The following ECHDC1 variants were observed in gnomAD, a reference collection of about 807,000 sequenced individuals.
ECHDC1 encodes the protein ethylmalonyl-CoA decarboxylase.
In ECHDC1, 29 loss-of-function variants were observed where a neutral mutation model predicts 29.7. The observed-to-expected ratio is 0.98, with a 90% CI of 0.73 to 1.33. The LOEUF is 1.33. ECHDC1 is among the 40% of genes most tolerant of loss of function. The pLI is 0.00. For synonymous variants in ECHDC1, 126 were observed against 123.1 expected (o/e 1.02, Z -0.15); for missense variants, 328 against 350.0 (o/e 0.94, Z 0.50).
chr6:127,337,073 C>T (rs111687831), intron 1 of ECHDC1, among the ~76,000 whole-genome samples: 2,923 of 151,396 alleles, frequency 0.019, 37 homozygotes, highest in Middle Eastern at 0.051. Context: ...TTTTATTTAA[C>T]CCTGTATATT....
intron 3 of ECHDC1, among the ~76,000 whole-genome samples, chr6:127,319,913 A>G (rs1782703794): frequency 6.6e-6 from 1 of 152,236 alleles, no homozygotes; most frequent in Non-Finnish European, 1.5e-5. Context: ...AAAAATGCCC[A>G]GCCTGTAGAA....
intron 5 of ECHDC1, among the ~76,000 whole-genome samples, chr6:127,292,739 G>C (rs569252751): frequency 1.3e-5 from 2 of 152,102 alleles, no homozygotes; most frequent in Non-Finnish European, 2.9e-5. Context: ...TTTCCTGATA[G>C]ACCCTACAGG....
At chr6:127,294,171 A>T (rs1780410145) in intron 5 of ECHDC1, among the ~76,000 whole-genome samples, 1 of 152,218 alleles carries the variant, frequency 6.6e-6, no homozygotes, top group Non-Finnish European at 1.5e-5. Flanking sequence ...AATTAACATG[A>T]TGTTATACAT....
chr6:127,336,862 T>C lies in ECHDC1; in HGVS notation c.-2-5832A>G, dbSNP rs138268129. 1.7e-4 allele frequency among the ~76,000 whole-genome samples: 26 copies of C among 152,314 alleles called. No homozygotes were observed. In the East Asian group the frequency reaches 4.0e-3, roughly 24 times the overall value. ...TTATCACTCAAATGTAAATATCAAG[T>C]TGCCTCAAAATCTCTTAGCTAGTGG... is the stretch of plus-strand genomic sequence containing the variant. On this transcript the variant is annotated intron_variant, in intron 1 of 5. Transcript: ENST00000454859.
intron 2 of ECHDC1, 65 bp downstream of exon 2, chr6:127,330,743 TA>T: frequency 7.2e-7 from 1 of 1,390,498 alleles, no homozygotes; most frequent in Non-Finnish European, 1.0e-6. Context: ...ACAGCAAGGA[TA>T]AAAAAACTTG....
chr6:127,299,447 T>TAA (rs78172720), intron 5 of ECHDC1, among the ~76,000 whole-genome samples: 4 of 72,732 alleles, frequency 5.5e-5, no homozygotes, highest in African/African-American at 1.1e-4. Flanking sequence ...TAGCTTTTAA[T>TAA]AAAAAAAAAA....
chr6:127,339,644 A>C (rs1459479030), intron 1 of ECHDC1, among the ~76,000 whole-genome samples: 1 of 151,722 alleles, frequency 6.6e-6, no homozygotes, highest in African/African-American at 2.4e-5. Context: ...GTAGTGGCAC[A>C]CACCTCTAAT....
chr6:127,307,229 A>T (rs1483132045), intron 5 of ECHDC1, among the ~76,000 whole-genome samples: 2 of 152,232 alleles, frequency 1.3e-5, no homozygotes, highest in Admixed American at 6.5e-5. Flanking sequence ...AAAAATTTCA[A>T]ATAACCTAAT....
intron 4 of ECHDC1, chr6:127,315,170 A>G: frequency 1.7e-6 from 1 of 574,124 alleles, no homozygotes; most frequent in Non-Finnish European, 3.3e-6. Flanking sequence ...AGCTATAGCC[A>G]TATTGTAACT....
chr6:127,307,648 G>GAAAAAAAAAAA lies in ECHDC1; in HGVS notation c.497+7157_497+7167dup, dbSNP rs71024770. On this transcript the variant is annotated intron_variant, in intron 5 of 5. Coordinates refer to ENST00000454859, the MANE Select transcript of ECHDC1 (RefSeq NM_001002030.2). The stretch of plus-strand genomic sequence containing the variant: ...GGTGACAGAGTGATACTCTGTCTCA[G>GAAAAAAAAAAA]AAAAAAAAAAAAAAGACAGAAAGAA... Among the ~76,000 whole-genome samples the GAAAAAAAAAAA allele has an allele frequency of 1.3e-3, 65 of 48,536 alleles. 2 individuals carry two copies. The highest frequency in any genetic ancestry group is 0.013 in the East Asian group (27 of 2,100). 31.8% of individuals were successfully genotyped at this position (48,536 alleles called of 152,430 possible).
At chr6:127,292,696 A>G (rs1262723732) in intron 5 of ECHDC1, among the ~76,000 whole-genome samples, 1 of 152,074 alleles carries the variant, frequency 6.6e-6, no homozygotes, top group East Asian at 1.9e-4. Flanking sequence ...GAAGGACATT[A>G]TTATATTAAC....
Position 127,330,844 on chromosome 6 carries a change from G to GT in ECHDC1, c.184dup (p.Thr62AsnfsTer7). 1 of 1,614,034 alleles carries GT rather than the reference G, an allele frequency of 6.2e-7. No homozygotes were observed. Among genetic ancestry groups the GT allele is most frequent in the Middle Eastern group, 1.6e-4 (1 of 6,062 alleles). Reference sequence around the variant, plus strand: ...ATTCATTCTACTTGGATTGTTCAGAGTAAGAATGCCAATGCCATTGTCTTC... The same window carrying GT: ...ATTCATTCTACTTGGATTGTTCAGAGTTAAGAATGCCAATGCCATTGTCTTC... On this transcript the variant is annotated frameshift_variant, in exon 2 of 6. Transcript: ENST00000454859. LOFTEE classifies it high-confidence loss of function.
At chr6:127,290,365 T>C (rs1780050433) in intron 5 of ECHDC1, 88 bp from the exon 6 acceptor site, 1 of 1,318,184 alleles carries the variant, frequency 7.6e-7, no homozygotes, top group South Asian at 1.6e-5. Flanking sequence ...TGATGTGAAT[T>C]CTCCATAGAT....
chr6:127,328,837 C>T (rs906024768), intron 2 of ECHDC1, among the ~76,000 whole-genome samples: 12 of 152,050 alleles, frequency 7.9e-5, no homozygotes, highest in East Asian at 1.9e-4. Context: ...CCATCCTGGC[C>T]AACACGGTGA....
chr6:127,340,715 G>T lies in ECHDC1; in HGVS notation c.-3+2621C>A, dbSNP rs1445684057. 1.7e-4 allele frequency among the ~76,000 whole-genome samples: 25 copies of T among 150,770 alleles called. No homozygotes were observed. In the Admixed American group the frequency reaches 1.7e-3, roughly 10 times the overall value. On this transcript the variant is annotated intron_variant, in intron 1 of 5. Coordinates refer to ENST00000454859, the MANE Select transcript of ECHDC1 (RefSeq NM_001002030.2). ...AGAATAAAAGTGCTAAAGAAACTTG[G>T]TAAGGACTTAGATAGTTGCTTTAAA...
Position 127,289,799 on chromosome 6 carries a change from A to T in ECHDC1, c.*70T>A. Reference sequence around the variant, plus strand: ...CAAAGTAATTCTGATGTTCATATTTAATATCATTTAACATTTATACATATT... The same window carrying T: ...CAAAGTAATTCTGATGTTCATATTTTATATCATTTAACATTTATACATATT... On this transcript the variant is annotated 3_prime_UTR_variant, in exon 6 of 6. Transcript: ENST00000454859. 7.2e-7 allele frequency: 1 copy of T among 1,390,584 alleles called. No individual in the cohort carries two copies. Among genetic ancestry groups the T allele is most frequent in the Non-Finnish European group, 9.7e-7 (1 of 1,029,010 alleles). The allele number at this position is 1,390,584 out of a possible 1,614,324, so 86.1% of individuals were successfully genotyped here.
intron 2 of ECHDC1, among the ~76,000 whole-genome samples, chr6:127,328,668 T>C (rs183798127): frequency 9.1e-4 from 139 of 152,326 alleles, no homozygotes; most frequent in African/African-American, 3.2e-3. Flanking sequence ...GAAACCCATA[T>C]TTTTAGTATA....
intron 1 of ECHDC1, chr6:127,331,792 C>T: frequency 1.0e-6 from 1 of 980,142 alleles, no homozygotes; most frequent in Non-Finnish European, 1.2e-6. Context: ...AGCAATCCCA[C>T]TCTCTAACAG....
intron 1 of ECHDC1, among the ~76,000 whole-genome samples, chr6:127,341,404 T>C (rs1170304305): frequency 1.3e-5 from 2 of 152,232 alleles, no homozygotes; most frequent in South Asian, 2.1e-4. Context: ...TAGTATCTAA[T>C]AGTATAAAGT....
Sources: gnomAD v4.1 joint callset for allele counts (sites outside exome capture counted in the v4.1 genomes callset) on GRCh38, gnomAD v4.1.1 for gene constraint, MANE v1.5 for transcripts, NCBI Gene and HGNC (gene_info 2026-07-23, HGNC 2026-07-21) for gene names.